Variants in CLASP1 observed in about 807,000 individuals in gnomAD.
The protein encoded by CLASP1 is cytoplasmic linker associated protein 1.
CLASP1 carries 38 observed loss-of-function variants against 192.3 expected under a neutral mutation model. The observed-to-expected ratio is 0.20, with a 90% CI of 0.15 to 0.26. The LOEUF (loss-of-function observed/expected upper bound fraction) is 0.26. CLASP1 is among the 10% of genes least tolerant of loss of function. The pLI is 1.00. For missense variants in CLASP1, 1,433 were observed against 1,932.5 expected, an observed-to-expected ratio of 0.74 and a Z score of 4.85; for synonymous variants, 691 against 712.8, an observed-to-expected ratio of 0.97 and a Z score of 0.49.
intron 6 of CLASP1, among the ~76,000 whole-genome samples, chr2:121,518,073 A>G (rs930767859): frequency 6.7e-6 from 1 of 150,036 alleles, no homozygotes. Context: ...CTACTAAAAA[A>G]TACAAAAATC....
intron 4 of CLASP1, among the ~76,000 whole-genome samples, 170 bp from the exon 5 acceptor site, chr2:121,528,060 T>C (rs1352297624): frequency 6.6e-6 from 1 of 152,244 alleles, no homozygotes; most frequent in Non-Finnish European, 1.5e-5. Context: ...TCTATCATGT[T>C]ATCAAGTATA....
chr2:121,444,313 A>C (rs1448724603), intron 19 of CLASP1, among the ~76,000 whole-genome samples: 1 of 152,214 alleles, frequency 6.6e-6, no homozygotes, highest in African/African-American at 2.4e-5. Context: ...CATGGAAGGC[A>C]TTTAATACAC....
intron 25 of CLASP1, 67 bp from the exon 27 acceptor site, chr2:121,404,501 C>A: frequency 1.4e-6 from 2 of 1,380,692 alleles, no homozygotes; most frequent in South Asian, 2.5e-5. Context: ...GGGTCTCACT[C>A]TATTACCCAG....
At chr2:121,629,486 A>C (rs115396293) in intron 1 of CLASP1, among the ~76,000 whole-genome samples, 2 of 152,070 alleles carry the variant, frequency 1.3e-5, no homozygotes, top group East Asian at 3.9e-4. Flanking sequence ...AGCAAACTAG[A>C]AAACAATTAG....
At chr2:121,410,623 G>T (rs1190534776) in intron 24 of CLASP1, among the ~76,000 whole-genome samples, 1 of 152,100 alleles carries the variant, frequency 6.6e-6, no homozygotes, top group Admixed American at 6.6e-5. Context: ...ATACTGAAGA[G>T]CACAGATAAG....
intron 3 of CLASP1, 36 bp from the exon 4 acceptor site, chr2:121,528,816 C>T (rs775743382): frequency 5.0e-5 from 76 of 1,520,822 alleles, no homozygotes; most frequent in Middle Eastern, 3.4e-4. Flanking sequence ...AAATGAAACC[C>T]TATTTGGGGG....
intron 2 of CLASP1, among the ~76,000 whole-genome samples, chr2:121,569,248 AG>A (rs1038817211): frequency 6.6e-6 from 1 of 152,198 alleles, no homozygotes; most frequent in Non-Finnish European, 1.5e-5. Context: ...ACGTCACAGA[AG>A]GTTTCTAAAC....
At chr2:121,424,026 TC>T (rs1171617765) in intron 22 of CLASP1, among the ~76,000 whole-genome samples, 1 of 152,126 alleles carries the variant, frequency 6.6e-6, no homozygotes. Flanking sequence ...CAGATGCTTC[TC>T]TCTCCTCTAG....
intron 28 of CLASP1, among the ~76,000 whole-genome samples, chr2:121,398,741 T>C (rs115257242): frequency 0.014 from 2,178 of 152,322 alleles, 51 homozygotes; most frequent in African/African-American, 0.049. Context: ...TGCTTAAACA[T>C]AAAAATCACT....
intron 2 of CLASP1, among the ~76,000 whole-genome samples, chr2:121,596,662 C>G (rs1353199557): frequency 6.6e-6 from 1 of 152,156 alleles, no homozygotes; most frequent in African/African-American, 2.4e-5. Flanking sequence ...AAGGGAGAAA[C>G]AGGAAAGGAA....
chr2:121,488,972 G>A (rs577811099), intron 8 of CLASP1, among the ~76,000 whole-genome samples: 3 of 152,272 alleles, frequency 2.0e-5, no homozygotes, highest in African/African-American at 7.2e-5. Flanking sequence ...AGATTCAGGA[G>A]GCTATCTCCA....
chr2:121,413,091 T>C (rs983492215), intron 23 of CLASP1, among the ~76,000 whole-genome samples: 2 of 151,978 alleles, frequency 1.3e-5, no homozygotes, highest in African/African-American at 4.8e-5. Flanking sequence ...AAATCCCGTC[T>C]CTACAAAAAA....
intron 2 of CLASP1, among the ~76,000 whole-genome samples, chr2:121,602,374 T>G (rs1324332834): frequency 6.6e-6 from 1 of 152,078 alleles, no homozygotes; most frequent in Non-Finnish European, 1.5e-5. Context: ...ATTAATATAG[T>G]TAAAATGACA....
In CLASP1 at chr2:121,518,231, CAAAAAA is replaced by C. The variant is rs35409200; in HGVS notation, c.547-2475_547-2470del. On this transcript the variant is annotated intron_variant, in intron 6 of 39. Transcript: ENST00000263710. Reference sequence around the variant, plus strand: ...GGGTGACAGAGCGAGACCCCCGTCTCAAAAAAAAAAAAAAAAAAAAAAAAAGGAGGC... The same window carrying C: ...GGGTGACAGAGCGAGACCCCCGTCTCAAAAAAAAAAAAAAAAAAAGGAGGC... Among the ~76,000 whole-genome samples, 203 of 49,598 alleles carry C rather than the reference CAAAAAA, an allele frequency of 4.1e-3. 1 individual carries two copies. Among genetic ancestry groups the C allele is most frequent in the African/African-American group, 0.014 (195 of 14,094 alleles). 32.5% of individuals were successfully genotyped at this position (49,598 alleles called of 152,430 possible).
chr2:121,606,363 A>G (rs1245900478), intron 1 of CLASP1, among the ~76,000 whole-genome samples, 183 bp from the exon 2 acceptor site: 1 of 152,228 alleles, frequency 6.6e-6, no homozygotes, highest in Non-Finnish European at 1.5e-5. Context: ...TTTTATCAGG[A>G]AGAACATCGA....
rs190057497 is a variant in CLASP1, at chr2:121,549,404, T to C, written c.196-19079A>G. On this transcript the variant is annotated intron_variant, in intron 2 of 39. Coordinates refer to ENST00000263710, the Ensembl canonical transcript of CLASP1. Reference sequence around the variant, plus strand: ...ACGACCTAACTATCCTAAATACATATATGCACCCCAACACAAGAGCACCCA... The same window carrying C: ...ACGACCTAACTATCCTAAATACATACATGCACCCCAACACAAGAGCACCCA... Among the ~76,000 whole-genome samples the C allele has an allele frequency of 2.0e-3, 308 of 152,174 alleles. 1 individual carries two copies. The highest frequency in any genetic ancestry group is 5.9e-3 in the African/African-American group (246 of 41,502).
intron 1 of CLASP1, among the ~76,000 whole-genome samples, chr2:121,642,603 A>T (rs938236015): frequency 6.6e-6 from 1 of 151,918 alleles, no homozygotes; most frequent in African/African-American, 2.4e-5. Flanking sequence ...GTGGTGGCGC[A>T]CACCTGTAAT....
intron 2 of CLASP1, among the ~76,000 whole-genome samples, chr2:121,576,101 G>C (rs1405032843): frequency 6.6e-6 from 1 of 152,180 alleles, no homozygotes; most frequent in African/African-American, 2.4e-5. Flanking sequence ...ACCATGAACA[G>C]GAAGGGTTAG....
intron 33 of CLASP1, among the ~76,000 whole-genome samples, chr2:121,380,879 T>C (rs1047101462): frequency 6.6e-6 from 1 of 152,202 alleles, no homozygotes. Flanking sequence ...ATGTGAAAGA[T>C]GATCCTAGGA....
Sources: gnomAD v4.1 joint callset for allele counts (sites outside exome capture counted in the v4.1 genomes callset) on GRCh38, gnomAD v4.1.1 for gene constraint, MANE v1.5 for transcripts, NCBI Gene and HGNC (gene_info 2026-07-23, HGNC 2026-07-21) for gene names.